Variants in CDH13 observed in about 807,000 individuals in gnomAD.
The protein encoded by CDH13 is cadherin 13.
Under a neutral mutation model 63.8 loss-of-function variants are expected in CDH13, and 24 were observed. The observed-to-expected ratio is 0.38, with a 90% CI of 0.27 to 0.53. The LOEUF (loss-of-function observed/expected upper bound fraction) is 0.53, where lower values mean the gene tolerates loss of function less well. Among genes scored for constraint, CDH13 ranks in the 20% least tolerant of loss-of-function variants. The pLI, the probability that CDH13 is intolerant of heterozygous loss-of-function variation, is 0.85. For synonymous variants in CDH13, 503 were observed against 355.3 expected (o/e 1.42, Z -4.67); for missense variants, 1,049 against 903.1 (o/e 1.16, Z -2.07).
chr16:82,786,622 A>G (rs2036023578), intron 1 of CDH13, among the ~76,000 whole-genome samples: 1 of 150,968 alleles, frequency 6.6e-6, no homozygotes, highest in Admixed American at 6.6e-5. Context: ...CATCATTTAC[A>G]TTAGGTATAT....
At chr16:83,128,267 C>T (rs1449761985) in intron 4 of CDH13, among the ~76,000 whole-genome samples, 3 of 152,150 alleles carry the variant, frequency 2.0e-5, no homozygotes, top group Non-Finnish European at 4.4e-5. Flanking sequence ...GACTGCCGGT[C>T]TTAAGCAGTC....
chr16:83,701,966 T>C (rs1906302364), intron 10 of CDH13, among the ~76,000 whole-genome samples: 1 of 152,200 alleles, frequency 6.6e-6, no homozygotes, highest in African/African-American at 2.4e-5. Context: ...TCTCCAGACC[T>C]CATTCTCTCC....
In CDH13 at chr16:83,711,934, G is replaced by A. The variant is rs571111201; in HGVS notation, c.1538+33473G>A. ...AAATTTAATTTCTTACAATTCTGTAGGTTAGAAGTCTGAGATCAAGGTGTT... is the reference window on the plus strand; with the variant it reads ...AAATTTAATTTCTTACAATTCTGTAAGTTAGAAGTCTGAGATCAAGGTGTT... On this transcript the variant is annotated intron_variant, in intron 10 of 13. Transcript: ENST00000567109. Among the ~76,000 whole-genome samples the A allele has an allele frequency of 8.5e-5, 13 of 152,310 alleles. No individual in the cohort carries two copies. In the South Asian group the frequency reaches 2.7e-3, roughly 32 times the overall value.
intron 6 of CDH13, among the ~76,000 whole-genome samples, chr16:83,380,352 C>T (rs1283921200): frequency 1.3e-5 from 2 of 152,084 alleles, no homozygotes; most frequent in Non-Finnish European, 2.9e-5. Context: ...AAATATGAAA[C>T]TGAAGAAGGA....
At chr16:82,808,361 G>C (rs1003711085) in intron 1 of CDH13, among the ~76,000 whole-genome samples, 4 of 152,122 alleles carry the variant, frequency 2.6e-5, no homozygotes, top group African/African-American at 9.7e-5. Flanking sequence ...CTACTTTCTA[G>C]GGAATTACAG....
intron 5 of CDH13, among the ~76,000 whole-genome samples, chr16:83,265,788 T>C (rs1208521936): frequency 1.4e-5 from 2 of 147,720 alleles, no homozygotes; most frequent in Admixed American, 1.4e-4. Flanking sequence ...GTTCACATTC[T>C]TTGTGAATCT....
intron 2 of CDH13, among the ~76,000 whole-genome samples, chr16:83,024,153 C>T (rs1012698441): frequency 2.6e-4 from 40 of 152,078 alleles, no homozygotes; most frequent in Admixed American, 2.0e-3. Flanking sequence ...GAATGTAGTA[C>T]CAGCCAGCAT....
intron 4 of CDH13, among the ~76,000 whole-genome samples, chr16:83,136,467 C>T (rs1597396300): frequency 7.4e-6 from 1 of 135,212 alleles, no homozygotes; most frequent in East Asian, 2.1e-4. Flanking sequence ...GCCTGGGCGA[C>T]AGAGCGGGAC....
chr16:82,875,950 G>T (rs1452679737), intron 2 of CDH13, among the ~76,000 whole-genome samples: 2 of 152,170 alleles, frequency 1.3e-5, no homozygotes, highest in African/African-American at 4.8e-5. Flanking sequence ...TCACAATCAT[G>T]GTGGAAGGTA....
chr16:83,255,848 AG>A (rs1248821245), intron 5 of CDH13, among the ~76,000 whole-genome samples: 3 of 152,054 alleles, frequency 2.0e-5, no homozygotes, highest in Admixed American at 2.0e-4. Context: ...TTAATTCCTA[AG>A]GTGGTTCTGA....
chr16:83,015,732 G>A (rs541752168), intron 2 of CDH13, among the ~76,000 whole-genome samples: 101 of 80,426 alleles, frequency 1.3e-3, no homozygotes, highest in African/African-American at 3.7e-3. Context: ...TAAAGAAAAA[G>A]CACGAGCAAT....
At chr16:82,964,518 T>G (rs1907523847) in intron 2 of CDH13, among the ~76,000 whole-genome samples, 2 of 152,218 alleles carry the variant, frequency 1.3e-5, no homozygotes, top group Non-Finnish European at 2.9e-5. Flanking sequence ...ACACAGGTTT[T>G]CTTTATTAAT....
rs544848007 is a variant in CDH13, at chr16:83,412,717, G to A, written c.781+67711G>A. ...CTACTCAAAATGTTTCTTACCCATG[G>A]TTCCTAATACGGTGAAGTCATGAGC... On this transcript the variant is annotated intron_variant, in intron 6 of 13. Transcript: ENST00000567109. Among the ~76,000 whole-genome samples the A allele has an allele frequency of 3.0e-4, 46 of 152,286 alleles. 1 individual carries two copies. The South Asian group carries it at 8.9e-3, about 29-fold the overall frequency.
chr16:83,770,604 G>A (rs1214360669), intron 11 of CDH13, among the ~76,000 whole-genome samples: 2 of 152,238 alleles, frequency 1.3e-5, no homozygotes, highest in African/African-American at 2.4e-5. Context: ...AAGGCTGCTG[G>A]TTGCCCATTT....
At chr16:83,240,972 A>C (rs1029256880) in intron 5 of CDH13, among the ~76,000 whole-genome samples, 2 of 152,124 alleles carry the variant, frequency 1.3e-5, no homozygotes, top group Non-Finnish European at 2.9e-5. Context: ...TATACCCATT[A>C]AACACTAATT....
intron 1 of CDH13, among the ~76,000 whole-genome samples, chr16:82,679,177 C>T (rs978788709): frequency 6.6e-6 from 1 of 152,196 alleles, no homozygotes; most frequent in African/African-American, 2.4e-5. Flanking sequence ...CCTGCAGGTT[C>T]TCTTGGGTAT....
intron 1 of CDH13, among the ~76,000 whole-genome samples, chr16:82,655,924 G>A (rs1185059480): frequency 6.6e-6 from 1 of 152,160 alleles, no homozygotes; most frequent in Non-Finnish European, 1.5e-5. Flanking sequence ...CACCTGCTAT[G>A]TGCCAGGATC....
intron 1 of CDH13, among the ~76,000 whole-genome samples, chr16:82,722,832 G>C (rs1567467242): frequency 6.6e-6 from 1 of 152,132 alleles, no homozygotes; most frequent in African/African-American, 2.4e-5. Flanking sequence ...TTTCACGTGA[G>C]CCCACCTGTG....
In CDH13 at chr16:82,748,327, G is replaced by A. The variant is rs753946464; in HGVS notation, c.46-110035G>A. 6.1e-4 allele frequency among the ~76,000 whole-genome samples: 93 copies of A among 152,316 alleles called. 1 individual carries two copies. Among genetic ancestry groups the A allele is most frequent in the Non-Finnish European group, 8.5e-4 (58 of 68,030 alleles). On this transcript the variant is annotated intron_variant, in intron 1 of 13. Coordinates refer to ENST00000567109, the MANE Select transcript of CDH13 (RefSeq NM_001257.5). ...TTGCACATGGCAATTAATTTACTAT[G>A]CAGAGTGTGTTTTGCTTGGTATCAG...
Sources: allele counts gnomAD v4.1 joint callset (sites outside exome capture counted in the v4.1 genomes callset), GRCh38; gene constraint gnomAD v4.1.1; transcripts MANE v1.5; gene names NCBI Gene and HGNC (gene_info 2026-07-23, HGNC 2026-07-21).